The following MACROD2 variants were observed in gnomAD, a reference collection of about 807,000 sequenced individuals.
MACROD2 encodes mono-ADP ribosylhydrolase 2, also known as ADP-ribose glycohydrolase MACROD2.
MACROD2 carries 36 observed loss-of-function variants against 70.4 expected under a neutral mutation model. That is an observed-to-expected ratio of 0.51 (90% confidence interval 0.39 to 0.68). The LOEUF (loss-of-function observed/expected upper bound fraction) is 0.68, where lower values mean the gene tolerates loss of function less well. Ranked by LOEUF, MACROD2 falls within the 30% of genes least tolerant of loss-of-function variation. The probability of loss-of-function intolerance (pLI) is 0.00; values close to 1 mark genes in which losing one functional copy is unlikely to be tolerated. For synonymous variants in MACROD2, 172 were observed against 178.8 expected, an observed-to-expected ratio of 0.96 and a Z score of 0.30; for missense variants, 496 against 538.4, an observed-to-expected ratio of 0.92 and a Z score of 0.78.
At chr20:14,758,896 C>CT (rs1217344686) in intron 5 of MACROD2, among the ~76,000 whole-genome samples, 1 of 151,992 alleles carries the variant, frequency 6.6e-6, no homozygotes, top group African/African-American at 2.4e-5. Flanking sequence ...TTCTATAACT[C>CT]TAAGAACCAA....
chr20:14,966,348 G>T (rs1160579112), intron 5 of MACROD2, among the ~76,000 whole-genome samples: 8 of 152,160 alleles, frequency 5.3e-5, no homozygotes, highest in Non-Finnish European at 1.2e-4. Flanking sequence ...GGCTGAGGCA[G>T]GGGGAGCGTT....
rs114693388 is a variant in MACROD2 at position 14,158,590 on chromosome 20, G to T, written c.271+72862G>T. On this transcript the variant is annotated intron_variant, in intron 3 of 17. Transcript: ENST00000684519. ...TTGAGTTGATTTTTGTATATGTATGGTAAGAGATAGGGGTCCAGTTTCATT... is the reference window on the plus strand; with the variant it reads ...TTGAGTTGATTTTTGTATATGTATGTTAAGAGATAGGGGTCCAGTTTCATT... 7.2e-3 allele frequency among the ~76,000 whole-genome samples: 1,101 copies of T among 152,044 alleles called. 12 individuals are homozygous for T. Among genetic ancestry groups the T allele is most frequent in the African/African-American group, 0.025 (1,045 of 41,426 alleles).
chr20:15,948,688 T>C (rs2065863601), intron 12 of MACROD2, among the ~76,000 whole-genome samples: 1 of 152,206 alleles, frequency 6.6e-6, no homozygotes, highest in South Asian at 2.1e-4. Context: ...TACATGTTTA[T>C]CTACTATTTA....
intron 4 of MACROD2, among the ~76,000 whole-genome samples, chr20:14,655,319 CTGTGTGTGTGTG>C (rs11470954): frequency 7.8e-5 from 11 of 141,706 alleles, no homozygotes; most frequent in East Asian, 2.1e-4. Context: ...AAAGTGGACA[CTGTGTGTGTGTG>C]TGTGTGTGTG....
chr20:14,327,358 G>A (rs2082753515), intron 3 of MACROD2: 2 of 1,613,744 alleles, frequency 1.2e-6, no homozygotes, highest in East Asian at 2.2e-5. Context: ...TGGAATGGAT[G>A]TCAGAAAGCG....
intron 7 of MACROD2, among the ~76,000 whole-genome samples, chr20:15,479,569 G>A (rs185990155): frequency 3.9e-5 from 6 of 152,234 alleles, no homozygotes; most frequent in South Asian, 4.1e-4. Flanking sequence ...CACCGCGCCC[G>A]GCCTAGATTC....
chr20:15,062,000 C>G (rs1054555315), intron 5 of MACROD2, among the ~76,000 whole-genome samples: 1 of 152,160 alleles, frequency 6.6e-6, no homozygotes, highest in Non-Finnish European at 1.5e-5. Flanking sequence ...TAGAGGAGAG[C>G]AGGCAGCTTG....
At chr20:16,005,494 G>C (rs917595035) in intron 15 of MACROD2, among the ~76,000 whole-genome samples, 1 of 152,166 alleles carries the variant, frequency 6.6e-6, no homozygotes, top group Non-Finnish European at 1.5e-5. Context: ...ACTGACATCA[G>C]AGAGAGCGTA....
chr20:15,945,255 A>G (rs766685651), intron 12 of MACROD2, among the ~76,000 whole-genome samples: 1 of 152,178 alleles, frequency 6.6e-6, no homozygotes, highest in Non-Finnish European at 1.5e-5. Flanking sequence ...TTTTACAAAT[A>G]TTGTATTATA....
intron 5 of MACROD2, among the ~76,000 whole-genome samples, chr20:15,224,386 T>G (rs2076887344): frequency 6.6e-6 from 1 of 152,222 alleles, no homozygotes; most frequent in African/African-American, 2.4e-5. Flanking sequence ...GCCATTCATT[T>G]CTTTCCATAA....
At chr20:14,976,611 A>T (rs1250433768) in intron 5 of MACROD2, among the ~76,000 whole-genome samples, 1 of 152,136 alleles carries the variant, frequency 6.6e-6, no homozygotes. Context: ...CAGGATGTGG[A>T]CATACTTGGG....
At chr20:15,087,026 T>C (rs117508241) in intron 5 of MACROD2, among the ~76,000 whole-genome samples, 1 of 152,260 alleles carries the variant, frequency 6.6e-6, no homozygotes, top group East Asian at 1.9e-4. Flanking sequence ...TACTCTTTGA[T>C]ACCATAATTG....
chr20:14,540,934 C>A (rs1248799752), intron 4 of MACROD2, among the ~76,000 whole-genome samples: 1 of 152,184 alleles, frequency 6.6e-6, no homozygotes, highest in East Asian at 1.9e-4. Context: ...TGAAAATGGT[C>A]TGCCAACTGT....
chr20:15,587,938 T>C (rs771764461), intron 8 of MACROD2, among the ~76,000 whole-genome samples: 1 of 152,132 alleles, frequency 6.6e-6, no homozygotes, highest in African/African-American at 2.4e-5. Flanking sequence ...ATGGTGGCCC[T>C]CTTGTCAAAG....
chr20:15,782,858 T>C (rs2051858145), intron 8 of MACROD2, among the ~76,000 whole-genome samples: 1 of 152,070 alleles, frequency 6.6e-6, no homozygotes, highest in Non-Finnish European at 1.5e-5. Flanking sequence ...TCTAGCTCTA[T>C]AAGCTTCCTT....
intron 5 of MACROD2, among the ~76,000 whole-genome samples, chr20:14,733,352 A>G (rs1351032284): frequency 6.6e-6 from 1 of 152,210 alleles, no homozygotes; most frequent in African/African-American, 2.4e-5. Flanking sequence ...GTGAACAGGT[A>G]CATAAGAGGC....
chr20:14,679,035 A>G (rs2070897236), intron 4 of MACROD2, among the ~76,000 whole-genome samples: 1 of 152,122 alleles, frequency 6.6e-6, no homozygotes, highest in Admixed American at 6.6e-5. Flanking sequence ...AGAGTCATTT[A>G]TTAAGATAGG....
At chr20:14,805,154 AG>A (rs1191534737) in intron 5 of MACROD2, among the ~76,000 whole-genome samples, 9 of 152,170 alleles carry the variant, frequency 5.9e-5, no homozygotes, top group African/African-American at 2.2e-4. Flanking sequence ...ATTTCTCCCA[AG>A]AAAATCCTAC....
intron 5 of MACROD2, among the ~76,000 whole-genome samples, chr20:15,137,043 A>C (rs2076153722): frequency 1.3e-5 from 2 of 149,922 alleles, no homozygotes; most frequent in African/African-American, 2.5e-5. Context: ...GGCAATCATT[A>C]AAAAGTCAGG....
Sources: gnomAD v4.1 joint callset for allele counts (sites outside exome capture counted in the v4.1 genomes callset) on GRCh38, gnomAD v4.1.1 for gene constraint, MANE v1.5 for transcripts, NCBI Gene and HGNC (gene_info 2026-07-23, HGNC 2026-07-21) for gene names.